The following SCN3A variants were observed in gnomAD, a reference collection of about 807,000 sequenced individuals.
SCN3A encodes sodium voltage-gated channel alpha subunit 3.
Under a neutral mutation model 187.6 loss-of-function variants are expected in SCN3A, and 60 were observed. The observed-to-expected ratio is 0.32, with a 90% CI of 0.26 to 0.40. The LOEUF (loss-of-function observed/expected upper bound fraction) is 0.40. Among genes scored for constraint, SCN3A ranks in the 10% least tolerant of loss-of-function variants. The probability of loss-of-function intolerance (pLI) is 1.00; values close to 1 mark genes in which losing one functional copy is unlikely to be tolerated. For missense variants in SCN3A, 1,601 were observed against 2,428.2 expected (o/e 0.66, Z 7.16); for synonymous variants, 788 against 829.2 (o/e 0.95, Z 0.85).
intron 21 of SCN3A, among the ~76,000 whole-genome samples, chr2:165,110,139 A>G (rs938548329): frequency 3.9e-5 from 6 of 152,158 alleles, no homozygotes; most frequent in African/African-American, 1.2e-4. Context: ...TTTATTTCAT[A>G]GCAGTGATCT....
intron 15 of SCN3A, among the ~76,000 whole-genome samples, chr2:165,136,082 C>G (rs181944350): frequency 1.3e-5 from 2 of 152,200 alleles, no homozygotes; most frequent in Non-Finnish European, 2.9e-5. Context: ...AAAATAGACT[C>G]AAGGATCTAA....
Position 165,176,120 on chromosome 2 carries a change from T to C in SCN3A, c.264+11A>G, listed in dbSNP as rs1250986477. The C allele has an allele frequency of 6.2e-7, 1 of 1,612,202 alleles. No homozygotes were observed. ...TTAAAGATTTATTAGAAGTCTAAAA[T>C]CAATACTCACTTTCTTATTGATATA... On this transcript the variant is annotated intron_variant, in intron 3 of 27. Coordinates refer to ENST00000283254, the MANE Select transcript of SCN3A (RefSeq NM_006922.4).
Position 165,176,367 on chromosome 2 carries a change from C to T in SCN3A, c.28G>A (p.Gly10Arg). The change falls in exon 3 of 28, where the codon GGA becomes AGA. Residue 10 changes from glycine (G) to arginine (R), a missense_variant. Coordinates refer to ENST00000283254, the MANE Select transcript of SCN3A (RefSeq NM_006922.4). MAQALLVPPGPESFRLFTRE... is the reference protein window; with the variant it reads MAQALLVPPRPESFRLFTRE... ...GTAAAAAGGCGGAAGCTTTCAGGTC[C>T]TGGGGGTACCAACAGTGCCTGTGCC... is the stretch of plus-strand genomic sequence containing the variant. 1 of 1,614,042 alleles carries T rather than the reference C, an allele frequency of 6.2e-7. No individual in the cohort carries two copies.
At position 165,095,499 on chromosome 2, in the gene SCN3A, A is replaced by T; in HGVS notation, c.4431+12T>A. On this transcript the variant is annotated intron_variant, in intron 25 of 27. Coordinates refer to ENST00000283254, the MANE Select transcript of SCN3A (RefSeq NM_006922.4). ...CCAGAATGAAGAAAGGTAAAAGCTA[A>T]AGAATACTTATCTTCTTTTTCTGCT... 1 of 1,611,412 alleles carries T rather than the reference A, an allele frequency of 6.2e-7. No individual in the cohort carries two copies. The highest frequency in any genetic ancestry group is 8.5e-7 in the Non-Finnish European group (1 of 1,178,018).
chr2:165,122,121 C>T (rs1032058600), intron 18 of SCN3A, among the ~76,000 whole-genome samples: 3 of 151,924 alleles, frequency 2.0e-5, no homozygotes, highest in Non-Finnish European at 2.9e-5. Flanking sequence ...CTTTTCCCAA[C>T]CTACATGAAA....
intron 1 of SCN3A, chr2:165,194,895 G>A (rs982777749): frequency 6.6e-6 from 1 of 151,952 alleles, no homozygotes; most frequent in Admixed American, 6.6e-5. Flanking sequence ...TTTTCCTTCA[G>A]GCTCCGAGCA....
intron 9 of SCN3A, 83 bp from the exon 10 acceptor site, chr2:165,155,986 C>T (rs1688999610): frequency 1.6e-5 from 25 of 1,521,410 alleles, no homozygotes; most frequent in Non-Finnish European, 2.3e-5. Flanking sequence ...ATTTTCAAAA[C>T]CCAAAGCTGC....
intron 21 of SCN3A, among the ~76,000 whole-genome samples, chr2:165,109,849 C>T (rs1020675485): frequency 6.6e-6 from 1 of 152,154 alleles, no homozygotes; most frequent in Non-Finnish European, 1.5e-5. Flanking sequence ...GAACTTCTTG[C>T]CATGGCCACT....
intron 3 of SCN3A, among the ~76,000 whole-genome samples, chr2:165,175,317 C>T (rs1175995075): frequency 1.3e-5 from 2 of 152,106 alleles, no homozygotes; most frequent in African/African-American, 2.4e-5. Flanking sequence ...AATTAGAAAG[C>T]ATAGAGTATA....
At chr2:165,137,803 C>A (rs1158799682) in intron 15 of SCN3A, 76 bp downstream of exon 15, 2 of 1,163,038 alleles carry the variant, frequency 1.7e-6, no homozygotes, top group African/African-American at 1.5e-5. Flanking sequence ...TTCAACACAG[C>A]ACAAATACAT....
intron 27 of SCN3A, 59 bp from the exon 28 acceptor site, chr2:165,091,404 T>C: frequency 3.1e-6 from 5 of 1,603,354 alleles, no homozygotes; most frequent in Non-Finnish European, 4.3e-6. Context: ...ATGATGGCTT[T>C]ATCTTTTTTA....
Position 165,131,388 on chromosome 2 carries a change from C to T in SCN3A, c.2421G>A (p.Met807Ile). Residue 807 changes from methionine to isoleucine, a missense_variant, in exon 16 of 28, where the codon ATG becomes ATA. Met to Ile is a conservative substitution (Grantham distance 10). Transcript: ENST00000283254. Reference protein sequence around the residue: ...LVFTGIFTAEMVLKIIAMDPY... With the variant: ...LVFTGIFTAEIVLKIIAMDPY... ...GATCCATGGCAATGATCTTGAGAAC[C>T]ATTTCTGCTGTGAAAATCCCAGTAA... 6.2e-7 allele frequency: 1 copy of T among 1,604,532 alleles called. No homozygotes were observed. Among genetic ancestry groups the T allele is most frequent in the Non-Finnish European group, 8.5e-7 (1 of 1,174,270 alleles).
intron 2 of SCN3A, among the ~76,000 whole-genome samples, chr2:165,186,156 G>C (rs1241779209): frequency 6.6e-6 from 1 of 152,030 alleles, no homozygotes; most frequent in Admixed American, 6.5e-5. Flanking sequence ...TGTAGTCTCA[G>C]CTACTCAGGA....
intron 19 of SCN3A, among the ~76,000 whole-genome samples, chr2:165,114,365 C>T (rs1315835274): frequency 6.6e-6 from 1 of 152,188 alleles, no homozygotes; most frequent in Non-Finnish European, 1.5e-5. Context: ...TTTTCATGCA[C>T]ACATGCACAG....
chr2:165,170,937 T>C (rs16822786), intron 3 of SCN3A, among the ~76,000 whole-genome samples: 15,970 of 151,954 alleles, frequency 0.11, 1,881 homozygotes, highest in East Asian at 0.48. Flanking sequence ...ATTTTAATCA[T>C]ATCAAATCTT....
intron 21 of SCN3A, among the ~76,000 whole-genome samples, chr2:165,105,331 T>C (rs543909634): frequency 6.6e-6 from 1 of 152,296 alleles, no homozygotes; most frequent in East Asian, 1.9e-4. Flanking sequence ...TCTTCCAGTA[T>C]ATCCTGAAGT....
In SCN3A at chr2:165,089,700, A is replaced by G. The variant is rs189901229; in HGVS notation, c.*450T>C. On this transcript the variant is annotated 3_prime_UTR_variant, in exon 28 of 28. Transcript: ENST00000283254. Reference sequence around the variant, plus strand: ...AGGGTTCTTGTATACTGTTTCTTCAACGTAAACCTCATTTACAAAAATAGT... The same window carrying G: ...AGGGTTCTTGTATACTGTTTCTTCAGCGTAAACCTCATTTACAAAAATAGT... 1 of 162,214 alleles carries G rather than the reference A, an allele frequency of 6.2e-6. No homozygotes were observed. The highest frequency in any genetic ancestry group is 2.4e-5 in the African/African-American group (1 of 41,668). 10.0% of individuals were successfully genotyped at this position (162,214 alleles called of 1,614,324 possible). A position where few individuals can be genotyped will look rare whatever the true frequency, so the allele number is the denominator to read the frequency against.
intron 18 of SCN3A, among the ~76,000 whole-genome samples, chr2:165,122,561 A>G (rs1272403455): frequency 6.6e-6 from 1 of 152,192 alleles, no homozygotes; most frequent in Non-Finnish European, 1.5e-5. Context: ...GATATTACAA[A>G]TCCTATAGAG....
chr2:165,098,936 G>A (rs1685481079), intron 22 of SCN3A, among the ~76,000 whole-genome samples: 1 of 152,040 alleles, frequency 6.6e-6, no homozygotes, highest in Non-Finnish European at 1.5e-5. Flanking sequence ...TATGAGTAAT[G>A]GTAAAAGTTT....
Sources: allele counts gnomAD v4.1 joint callset (sites outside exome capture counted in the v4.1 genomes callset), GRCh38; gene constraint gnomAD v4.1.1; transcripts MANE v1.5; gene names NCBI Gene and HGNC (gene_info 2026-07-23, HGNC 2026-07-21).